ZFHX3: variants seen among roughly 807,000 people sequenced by gnomAD.
ZFHX3 encodes the protein zinc finger homeobox 3.
In ZFHX3, 42 loss-of-function variants were observed where a neutral mutation model predicts 279.1. That is an observed-to-expected ratio of 0.15 (90% confidence interval 0.12 to 0.19). The LOEUF is 0.19. ZFHX3 is among the 10% of genes least tolerant of loss of function. The pLI is 1.00. For synonymous variants in ZFHX3, 2,293 were observed against 1,957.8 expected, an observed-to-expected ratio of 1.17 and a Z score of -4.52; for missense variants, 4,981 against 4,754.0, an observed-to-expected ratio of 1.05 and a Z score of -1.40.
intron 1 of ZFHX3, among the ~76,000 whole-genome samples, chr16:73,683,016 A>AGAAAGAAG: frequency 6.8e-6 from 1 of 147,796 alleles, no homozygotes; most frequent in African/African-American, 2.5e-5. Context: ...AGAAAGAGAA[A>AGAAAGAAG]GGAGGGAGGG....
chr16:73,195,650 C>T (rs963942493), intron 5 of ZFHX3, among the ~76,000 whole-genome samples: 2 of 152,082 alleles, frequency 1.3e-5, no homozygotes, highest in African/African-American at 4.8e-5. Flanking sequence ...AATTCCTGAC[C>T]TTGTGATCCA....
intron 1 of ZFHX3, among the ~76,000 whole-genome samples, chr16:73,020,257 T>A (rs536893049): frequency 6.6e-6 from 1 of 152,322 alleles, no homozygotes; most frequent in South Asian, 2.1e-4. Context: ...AAACTTTACA[T>A]TGGCAGAACA....
chr16:73,715,331 A>G (rs374218389), intron 1 of ZFHX3, among the ~76,000 whole-genome samples: 23 of 152,322 alleles, frequency 1.5e-4, no homozygotes, highest in East Asian at 7.7e-4. Context: ...GGCTATGAAC[A>G]GACCCAGTTG....
At chr16:73,087,633 G>T (rs1725441740) in intron 8 of ZFHX3, among the ~76,000 whole-genome samples, 1 of 152,146 alleles carries the variant, frequency 6.6e-6, no homozygotes, top group Non-Finnish European at 1.5e-5. Flanking sequence ...GGGACTCTAA[G>T]CAACTGGCAT....
intron 3 of ZFHX3, among the ~76,000 whole-genome samples, chr16:73,322,504 C>T (rs1384964198): frequency 6.6e-6 from 1 of 152,116 alleles, no homozygotes; most frequent in Non-Finnish European, 1.5e-5. Flanking sequence ...TGTTGCAGTA[C>T]AAATGCAGGA....
chr16:72,789,769 G>A (rs1254230271), intron 9 of ZFHX3: 1 of 152,228 alleles, frequency 6.6e-6, no homozygotes, highest in Non-Finnish European at 1.5e-5. Context: ...CCTAGGAATA[G>A]GAATCTGGAA....
intron 1 of ZFHX3, among the ~76,000 whole-genome samples, chr16:73,852,231 A>T (rs916345836): frequency 1.3e-5 from 2 of 152,198 alleles, no homozygotes; most frequent in African/African-American, 2.4e-5. Context: ...GAAAATCATG[A>T]CAAAGCCACT....
intron 3 of ZFHX3, among the ~76,000 whole-genome samples, chr16:73,418,332 C>T (rs2017638520): frequency 7.2e-6 from 1 of 139,392 alleles, no homozygotes; most frequent in Non-Finnish European, 1.7e-5. Flanking sequence ...GGCAGCCGCC[C>T]TACAGGCTCA....
intron 2 of ZFHX3, among the ~76,000 whole-genome samples, chr16:73,482,112 G>A (rs1178412825): frequency 2.0e-5 from 3 of 152,120 alleles, no homozygotes; most frequent in South Asian, 2.1e-4. Context: ...AAGTGTATAC[G>A]AGTGGAAAAA....
intron 5 of ZFHX3, among the ~76,000 whole-genome samples, chr16:73,152,102 C>A (rs1179764813): frequency 1.3e-5 from 2 of 152,118 alleles, no homozygotes; most frequent in Admixed American, 1.3e-4. Context: ...ACATCCCAGG[C>A]ACCAAATAAC....
chr16:73,473,019 T>C (rs1264637028), intron 2 of ZFHX3, among the ~76,000 whole-genome samples: 2 of 150,070 alleles, frequency 1.3e-5, no homozygotes, highest in African/African-American at 4.9e-5. Context: ...CCCTGACTAG[T>C]ACAGGGGCCC....
rs1410496952 is a variant in ZFHX3, at chr16:72,998,976, CA to C, written c.-49-38783del. 2.6e-5 allele frequency among the ~76,000 whole-genome samples: 4 copies of C among 152,178 alleles called. No individual in the cohort carries two copies. In the East Asian group the frequency reaches 7.7e-4, roughly 29 times the overall value. On this transcript the variant is annotated intron_variant, in intron 1 of 9. Transcript: ENST00000268489. Reference sequence around the variant, plus strand: ...TTAACTTGAAAACTCACTGTCTTTGCAATGACATGTGGTTAACTCTGTAGTA... The same window carrying C: ...TTAACTTGAAAACTCACTGTCTTTGCATGACATGTGGTTAACTCTGTAGTA...
chr16:73,410,806 CAT>C (rs2017450943), intron 3 of ZFHX3, among the ~76,000 whole-genome samples: 1 of 152,330 alleles, frequency 6.6e-6, no homozygotes, highest in Admixed American at 6.5e-5. Flanking sequence ...AAGTATAAAA[CAT>C]GTGTGTTACA....
chr16:73,436,333 G>A (rs1173048906), intron 3 of ZFHX3, among the ~76,000 whole-genome samples: 1 of 152,150 alleles, frequency 6.6e-6, no homozygotes, highest in East Asian at 1.9e-4. Context: ...ACAAAAAAGA[G>A]GTTTAAGGGA....
intron 4 of ZFHX3, among the ~76,000 whole-genome samples, chr16:72,851,183 G>C (rs1219437375): frequency 6.6e-6 from 1 of 152,148 alleles, no homozygotes. Flanking sequence ...GGACCAGAGA[G>C]AGATGCCCCA....
intron 2 of ZFHX3, among the ~76,000 whole-genome samples, chr16:73,586,680 A>G (rs891765442): frequency 6.6e-6 from 1 of 152,166 alleles, no homozygotes; most frequent in Non-Finnish European, 1.5e-5. Context: ...ACTGTCTTTG[A>G]TGAAGGTTTT....
In ZFHX3 at chr16:73,556,027, A is replaced by G. The variant is rs958001301; in HGVS notation, c.-1546-99769T>C. On this transcript the variant is annotated intron_variant, in intron 2 of 17. Coordinates refer to the ZFHX3 transcript ENST00000641206. ...AGACACAGTGTTTTCTGTGATGTGA[A>G]GTCAGTTTGTGTTTCTAAGCAGAGA... Among the ~76,000 whole-genome samples the G allele has an allele frequency of 1.4e-4, 21 of 152,242 alleles. 1 individual carries two copies. Among genetic ancestry groups the G allele is most frequent in the African/African-American group, 5.1e-4 (21 of 41,550 alleles).
chr16:73,705,537 A>T (rs2053294644), intron 1 of ZFHX3, among the ~76,000 whole-genome samples: 1 of 152,138 alleles, frequency 6.6e-6, no homozygotes, highest in Non-Finnish European at 1.5e-5. Context: ...TATTTCCTAT[A>T]AGGCCTTGAA....
intron 3 of ZFHX3, among the ~76,000 whole-genome samples, chr16:73,319,929 C>A (rs2015539638): frequency 6.6e-6 from 1 of 152,188 alleles, no homozygotes; most frequent in African/African-American, 2.4e-5. Flanking sequence ...CACATGGCAA[C>A]ATACCTTAGG....
Sources: gnomAD v4.1 joint callset for allele counts (sites outside exome capture counted in the v4.1 genomes callset) on GRCh38, gnomAD v4.1.1 for gene constraint, MANE v1.5 for transcripts, NCBI Gene and HGNC (gene_info 2026-07-23, HGNC 2026-07-21) for gene names.